Variants in PARD6G observed in about 807,000 individuals in gnomAD.
PARD6G encodes par-6 family cell polarity regulator gamma.
Under a neutral mutation model 10.7 loss-of-function variants are expected in PARD6G, and 7 were observed. The observed-to-expected ratio is 0.66, with a 90% CI of 0.37 to 1.23. PARD6G has a LOEUF of 1.23. Among genes scored for constraint, PARD6G ranks in the 50% most tolerant of loss-of-function variants. The pLI is 0.02. For missense variants in PARD6G, 548 were observed against 571.8 expected (o/e 0.96, Z 0.42); for synonymous variants, 287 against 269.4 (o/e 1.07, Z -0.64).
intron 2 of PARD6G, among the ~76,000 whole-genome samples, chr18:80,172,935 TAAGTA>T (rs1009582427): frequency 4.6e-5 from 7 of 152,244 alleles, no homozygotes; most frequent in African/African-American, 1.4e-4. Flanking sequence ...TGTGCCATTC[TAAGTA>T]AAGTAGCAAA....
intron 2 of PARD6G, among the ~76,000 whole-genome samples, chr18:80,202,194 T>C (rs1308634522): frequency 2.0e-5 from 3 of 152,222 alleles, no homozygotes; most frequent in Non-Finnish European, 2.9e-5. Flanking sequence ...ACGTGAGCAG[T>C]ATGAGGTCCC....
At chr18:80,187,547 G>A (rs1310153463) in intron 2 of PARD6G, among the ~76,000 whole-genome samples, 1 of 152,164 alleles carries the variant, frequency 6.6e-6, no homozygotes, top group Non-Finnish European at 1.5e-5. Context: ...CAGGCATTGT[G>A]GGAGGGTCAC....
At position 80,246,950 on chromosome 18, in the gene PARD6G, C is replaced by T. The variant is rs932262008; in HGVS notation, c.72+327G>A. Among the ~76,000 whole-genome samples, 2 of 152,110 alleles carry T rather than the reference C, an allele frequency of 1.3e-5. No individual in the cohort carries two copies. The highest frequency in any genetic ancestry group is 1.9e-4 in the East Asian group (1 of 5,162). The stretch of plus-strand genomic sequence containing the variant: ...ACTCGCCCCGGAAAGGCCGCCCTCC[C>T]CTCCAATGTGTGGCGCGCCCCGATC... On this transcript the variant is annotated intron_variant, in intron 1 of 2. Transcript: ENST00000353265. The surrounding 1 kb of genome is among the most constrained non-coding windows in gnomAD (Gnocchi z 6.7).
At position 80,202,980 on chromosome 18, in the gene PARD6G, G is replaced by A. The variant is rs752110475; in HGVS notation, c.73-48C>T. On this transcript the variant is annotated intron_variant, in intron 1 of 2. Transcript: ENST00000353265. ...GGGGGAGGGGCATTAATAAATACCA[G>A]AGAAATATCCAGAAATAAGGTGTGG... is the stretch of plus-strand genomic sequence containing the variant. 4.3e-6 allele frequency: 4 copies of A among 923,624 alleles called. No individual in the cohort carries two copies. In the South Asian group the frequency reaches 5.2e-5, roughly 12 times the overall value. The allele number at this position is 923,624 out of a possible 1,614,324, so 57.2% of individuals were successfully genotyped here.
chr18:80,192,013 A>C lies in PARD6G; in HGVS notation c.295+10697T>G, dbSNP rs1324751270. Among the ~76,000 whole-genome samples, 1 of 152,152 alleles carries C rather than the reference A, an allele frequency of 6.6e-6. No individual in the cohort carries two copies. The highest frequency in any genetic ancestry group is 1.5e-5 in the Non-Finnish European group (1 of 68,022). On this transcript the variant is annotated intron_variant, in intron 2 of 2. Coordinates refer to ENST00000353265, the MANE Select transcript of PARD6G (RefSeq NM_032510.4). This position sits in a 1 kb window ranked among gnomAD's most constrained non-coding sequence, Gnocchi z 4.9. ...ATCTAAAATTGGTCAAAGGTGTCCA[A>C]CTCCACCTTGATGATTCTGAACATC...
chr18:80,160,444 G>A lies in PARD6G; in HGVS notation c.458C>T (p.Pro153Leu). The A allele has an allele frequency of 1.3e-6, 2 of 1,582,126 alleles. No individual in the cohort carries two copies. The highest frequency in any genetic ancestry group is 8.6e-7 in the Non-Finnish European group (1 of 1,164,126). ...CAGCCGCACTCGCCGGTGCGTCTCGGGGACCAGGTCCACATCGATGATGGA... is the reference window on the plus strand; with the variant it reads ...CAGCCGCACTCGCCGGTGCGTCTCGAGGACCAGGTCCACATCGATGATGGA... ...VSSIIDVDLV[P>L]ETHRRVRLHR... The change falls in exon 3 of 3, where the codon CCC becomes CTC. Residue 153 changes from proline to leucine, a missense_variant. Transcript: ENST00000353265.
At position 80,189,791 on chromosome 18, in the gene PARD6G, GATCA is replaced by G. The variant is rs1410530347; in HGVS notation, c.295+12915_295+12918del. 1.3e-5 allele frequency among the ~76,000 whole-genome samples: 2 copies of G among 152,112 alleles called. No homozygotes were observed. The highest frequency in any genetic ancestry group is 1.5e-5 in the Non-Finnish European group (1 of 68,024). On this transcript the variant is annotated intron_variant, in intron 2 of 2. Coordinates refer to ENST00000353265, the MANE Select transcript of PARD6G (RefSeq NM_032510.4). This position sits in a 1 kb window ranked among gnomAD's most constrained non-coding sequence, Gnocchi z 5.5. ...GAAGGTCAAGCACCAAGCAGAACTC[GATCA>G]GTTTTTAAACACCTAGATAGAGGCT...
intron 1 of PARD6G, among the ~76,000 whole-genome samples, chr18:80,220,404 G>T (rs1194365714): frequency 1.3e-5 from 2 of 152,098 alleles, no homozygotes; most frequent in African/African-American, 4.8e-5. Context: ...AATGCAATGT[G>T]TTATCCTGGA....
rs1317776901 is a variant in PARD6G at position 80,159,948 on chromosome 18, C to T, written c.954G>A (p.Ala318=). ...EPARPPQTPG[A]PAGSLSRVNG... Reference sequence around the variant, plus strand: ...TGACCCGGGAGAGGCTGCCTGCGGGCGCGCCCGGGGTCTGGGGGGGACGTG... The same window carrying T: ...TGACCCGGGAGAGGCTGCCTGCGGGTGCGCCCGGGGTCTGGGGGGGACGTG... Residue 318 remains alanine (A), a synonymous_variant, in exon 3 of 3, where the codon GCG becomes GCA. Transcript: ENST00000353265. The T allele has an allele frequency of 2.7e-6, 4 of 1,498,748 alleles. No homozygotes were observed. The highest frequency in any genetic ancestry group is 1.8e-6 in the Non-Finnish European group (2 of 1,133,400). The allele number at this position is 1,498,748 out of a possible 1,614,324, so 92.8% of individuals were successfully genotyped here.
intron 1 of PARD6G, among the ~76,000 whole-genome samples, chr18:80,229,086 A>C (rs917685353): frequency 2.6e-5 from 4 of 152,026 alleles, no homozygotes; most frequent in Non-Finnish European, 5.9e-5. Flanking sequence ...CTACAGGTGC[A>C]TGCCACCACA....
chr18:80,193,377 G>T (rs1966917373), intron 2 of PARD6G, among the ~76,000 whole-genome samples: 1 of 152,164 alleles, frequency 6.6e-6, no homozygotes, highest in South Asian at 2.1e-4. Context: ...CCTTTGATTT[G>T]AAATTTCTAG....
chr18:80,228,969 C>G lies in PARD6G; in HGVS notation c.72+18308G>C, dbSNP rs949873325. 3.3e-5 allele frequency among the ~76,000 whole-genome samples: 5 copies of G among 152,180 alleles called. No homozygotes were observed. The highest frequency in any genetic ancestry group is 5.9e-5 in the Non-Finnish European group (4 of 68,024). On this transcript the variant is annotated intron_variant, in intron 1 of 2. Coordinates refer to ENST00000353265, the MANE Select transcript of PARD6G (RefSeq NM_032510.4). The surrounding 1 kb of genome is among the most constrained non-coding windows in gnomAD (Gnocchi z 4.6). ...TATTTTATTTTAGAAGACGGAGTCTCACTCTGTCGCCCAGGCTGGAGTGCA... is the reference window on the plus strand; with the variant it reads ...TATTTTATTTTAGAAGACGGAGTCTGACTCTGTCGCCCAGGCTGGAGTGCA...
intron 1 of PARD6G, among the ~76,000 whole-genome samples, chr18:80,238,067 G>A (rs112648813): frequency 6.6e-6 from 1 of 152,174 alleles, no homozygotes; most frequent in Non-Finnish European, 1.5e-5. Context: ...CTGCGGCACT[G>A]TTCACAATAG....
At chr18:80,226,953 T>G (rs1967299280) in intron 1 of PARD6G, among the ~76,000 whole-genome samples, 1 of 152,188 alleles carries the variant, frequency 6.6e-6, no homozygotes, top group Non-Finnish European at 1.5e-5. Context: ...TTAAACCTGT[T>G]GACCAGAGTT....
intron 2 of PARD6G, among the ~76,000 whole-genome samples, chr18:80,191,707 G>T (rs554275992): frequency 6.6e-6 from 1 of 152,358 alleles, no homozygotes; most frequent in African/African-American, 2.4e-5. Flanking sequence ...AGACACCTAA[G>T]TGGGACCCTT....
chr18:80,159,683 C>A lies in PARD6G; in HGVS notation c.*88G>T, dbSNP rs1061977. 7.6e-7 allele frequency: 1 copy of A among 1,316,548 alleles called. No homozygotes were observed. Among genetic ancestry groups the A allele is most frequent in the Non-Finnish European group, 9.7e-7 (1 of 1,030,490 alleles). The allele number at this position is 1,316,548 out of a possible 1,614,324, so 81.6% of individuals were successfully genotyped here. A position where few individuals can be genotyped will look rare whatever the true frequency, so the allele number is the denominator to read the frequency against. ...AGCGTTGTTTTTGTGGTCACAAAAA[C>A]AACAAAAAATGAGCGGATGCAGTCT... is the stretch of plus-strand genomic sequence containing the variant. On this transcript the variant is annotated 3_prime_UTR_variant, in exon 3 of 3. Coordinates refer to ENST00000353265, the MANE Select transcript of PARD6G (RefSeq NM_032510.4).
chr18:80,226,395 T>G (rs1424852363), intron 1 of PARD6G, among the ~76,000 whole-genome samples: 1 of 152,078 alleles, frequency 6.6e-6, no homozygotes, highest in East Asian at 1.9e-4. Flanking sequence ...GGTCTCGAAC[T>G]CCCGACCTCA....
rs565137685 is a variant in PARD6G, at chr18:80,245,748, C to T, written c.72+1529G>A. On this transcript the variant is annotated intron_variant, in intron 1 of 2. Transcript: ENST00000353265. ...CTGTGTTCCCACTGAGCTAAAGAAACCTCCCGCCCATGCTTGTGGGCTCTT... is the reference window on the plus strand; with the variant it reads ...CTGTGTTCCCACTGAGCTAAAGAAATCTCCCGCCCATGCTTGTGGGCTCTT... Among the ~76,000 whole-genome samples, 8 of 152,268 alleles carry T rather than the reference C, an allele frequency of 5.3e-5. No individual in the cohort carries two copies. In the South Asian group the frequency reaches 1.7e-3, roughly 32 times the overall value.
In PARD6G at chr18:80,202,895, T is replaced by C. The variant is rs767261957; in HGVS notation, c.110A>G (p.His37Arg). 2 of 1,553,282 alleles carry C rather than the reference T, an allele frequency of 1.3e-6. No homozygotes were observed. Among genetic ancestry groups the C allele is most frequent in the Non-Finnish European group, 1.7e-6 (2 of 1,151,164 alleles). ...AEFRRFSLDR[H>R]KPGKFEDFYK... ...GAAATCTTCAAACTTCCCAGGCTTA[T>C]GACGGTCCAGAGAGAACCTTCGGAA... Residue 37 changes from histidine (H) to arginine (R), a missense_variant, in exon 2 of 3, where the codon CAT becomes CGT. His to Arg is a conservative substitution (Grantham distance 29). This residue lies in a region of PARD6G where 235 missense variants were observed against 291.9 expected (regional missense o/e 0.81). Transcript: ENST00000353265.
Sources: allele counts gnomAD v4.1 joint callset (sites outside exome capture counted in the v4.1 genomes callset), GRCh38; gene constraint gnomAD v4.1.1; regional missense constraint gnomAD v4.1.1; non-coding constraint Gnocchi (gnomAD v3.1); transcripts MANE v1.5; gene names NCBI Gene and HGNC (gene_info 2026-07-23, HGNC 2026-07-21).